SLC25A21: variants seen among roughly 807,000 people sequenced by gnomAD.
SLC25A21 encodes solute carrier family 25 member 21, also known as mitochondrial 2-oxodicarboxylate carrier.
In SLC25A21, 47 loss-of-function variants were observed where a neutral mutation model predicts 43.8. The observed-to-expected ratio is 1.07, with a 90% CI of 0.85 to 1.37. SLC25A21 has a LOEUF of 1.37. Among genes scored for constraint, SLC25A21 ranks in the 40% most tolerant of loss-of-function variants. SLC25A21 has a pLI of 0.00. For synonymous variants in SLC25A21, 131 were observed against 121.3 expected (o/e 1.08, Z -0.52); for missense variants, 352 against 350.2 (o/e 1.00, Z -0.04).
chr14:37,001,770 A>G (rs1317692940), intron 1 of SLC25A21, among the ~76,000 whole-genome samples: 1 of 152,140 alleles, frequency 6.6e-6, no homozygotes, highest in Non-Finnish European at 1.5e-5. Flanking sequence ...TAATTTCAAG[A>G]TATCTATTTG....
intron 1 of SLC25A21, among the ~76,000 whole-genome samples, chr14:37,048,693 C>T (rs916011795): frequency 6.6e-6 from 1 of 152,248 alleles, no homozygotes; most frequent in East Asian, 1.9e-4. Context: ...CATACCTAAA[C>T]TCTCTGAGTC....
chr14:37,000,606 T>C (rs1398620594), intron 1 of SLC25A21, among the ~76,000 whole-genome samples: 3 of 152,122 alleles, frequency 2.0e-5, no homozygotes, highest in Non-Finnish European at 4.4e-5. Context: ...TGCCATCCAA[T>C]CTGAGAGATC....
In SLC25A21 at chr14:36,938,884, G is replaced by C. The variant is rs533870994; in HGVS notation, c.71-63880C>G. Among the ~76,000 whole-genome samples, 11 of 152,132 alleles carry C rather than the reference G, an allele frequency of 7.2e-5. No individual in the cohort carries two copies. In the South Asian group the frequency reaches 2.3e-3, roughly 32 times the overall value. On this transcript the variant is annotated intron_variant, in intron 1 of 9. Coordinates refer to ENST00000331299, the MANE Select transcript of SLC25A21 (RefSeq NM_030631.4). ...ACTTCAGAAATCTATATTTCTTATT[G>C]CATCACTGAAATAAATCAGTCTCTA...
chr14:36,901,622 A>G (rs1483786586), intron 1 of SLC25A21, among the ~76,000 whole-genome samples: 8 of 152,234 alleles, frequency 5.3e-5, no homozygotes, highest in African/African-American at 1.7e-4. Context: ...ATTATTTTTT[A>G]TTTTGGTTTT....
At chr14:36,696,693 C>T (rs972047927) in intron 7 of SLC25A21, among the ~76,000 whole-genome samples, 45 of 152,226 alleles carry the variant, frequency 3.0e-4, no homozygotes, top group Non-Finnish European at 4.1e-4. Context: ...AGTTTATTTG[C>T]GTAGAGGTGT....
intron 2 of SLC25A21, among the ~76,000 whole-genome samples, chr14:36,856,788 G>A (rs1889911837): frequency 6.6e-6 from 1 of 152,186 alleles, no homozygotes; most frequent in South Asian, 2.1e-4. Context: ...GGGCATGAAG[G>A]AGACAGATCT....
chr14:36,895,870 T>C (rs1350597642), intron 1 of SLC25A21, among the ~76,000 whole-genome samples: 1 of 152,260 alleles, frequency 6.6e-6, no homozygotes, highest in Non-Finnish European at 1.5e-5. Context: ...TTCTTAATCC[T>C]GAGTTCTAGT....
intron 1 of SLC25A21, among the ~76,000 whole-genome samples, chr14:37,036,256 T>C (rs1961324222): frequency 6.6e-6 from 1 of 152,186 alleles, no homozygotes; most frequent in South Asian, 2.1e-4. Context: ...AAGGCTGTGC[T>C]ATAATCAAAA....
Position 37,162,485 on chromosome 14 carries a change from T to C in SLC25A21, c.70+9796A>G, listed in dbSNP as rs1443557461. On this transcript the variant is annotated intron_variant, in intron 1 of 9. Transcript: ENST00000331299. ...CCCATCAAAAAGTGGGCGAAGGACA[T>C]GAACAGACACTTCTCAAAAGAAGAC... Among the ~76,000 whole-genome samples, 3 of 152,246 alleles carry C rather than the reference T, an allele frequency of 2.0e-5. No homozygotes were observed. The East Asian group carries it at 5.8e-4, about 29-fold the overall frequency.
At chr14:36,896,299 CTTCT>C (rs1374117502) in intron 1 of SLC25A21, among the ~76,000 whole-genome samples, 9 of 152,062 alleles carry the variant, frequency 5.9e-5, no homozygotes, top group African/African-American at 1.4e-4. Flanking sequence ...ATGTAATGGC[CTTCT>C]TTGTCTCTTT....
At chr14:37,020,103 T>C (rs905451218) in intron 1 of SLC25A21, among the ~76,000 whole-genome samples, 1 of 151,946 alleles carries the variant, frequency 6.6e-6, no homozygotes, top group Non-Finnish European at 1.5e-5. Flanking sequence ...TTATAAATAA[T>C]GTAGTTTTAA....
chr14:36,741,515 C>A (rs1180714392), intron 3 of SLC25A21, among the ~76,000 whole-genome samples: 1 of 152,158 alleles, frequency 6.6e-6, no homozygotes, highest in Non-Finnish European at 1.5e-5. Context: ...GGGGCTTTCC[C>A]TGGTTGTCAG....
intron 1 of SLC25A21, among the ~76,000 whole-genome samples, chr14:37,068,414 T>C (rs1229834590): frequency 6.6e-6 from 1 of 152,132 alleles, no homozygotes; most frequent in Non-Finnish European, 1.5e-5. Context: ...ACTATAACAA[T>C]TCAAGGTATG....
At chr14:37,091,326 CG>C (rs553978719) in intron 1 of SLC25A21, among the ~76,000 whole-genome samples, 132 of 151,768 alleles carry the variant, frequency 8.7e-4, no homozygotes, top group Admixed American at 2.4e-3. Context: ...CCCAGCTACT[CG>C]GGAGGCTGAG....
chr14:36,879,671 A>C (rs932736769), intron 1 of SLC25A21, among the ~76,000 whole-genome samples: 4 of 152,062 alleles, frequency 2.6e-5, no homozygotes, highest in African/African-American at 7.2e-5. Context: ...ATTGGGAAAA[A>C]ATTAACACCA....
chr14:37,058,630 T>C (rs1413288901), intron 1 of SLC25A21, among the ~76,000 whole-genome samples: 5 of 152,206 alleles, frequency 3.3e-5, no homozygotes, highest in Non-Finnish European at 7.3e-5. Flanking sequence ...GAAAGAGCAT[T>C]ATTTAGTCTA....
intron 1 of SLC25A21, among the ~76,000 whole-genome samples, chr14:37,135,621 T>C (rs1342516861): frequency 6.6e-6 from 1 of 152,218 alleles, no homozygotes; most frequent in Non-Finnish European, 1.5e-5. Context: ...TTCCATTTCA[T>C]TGCATGTCTT....
chr14:36,766,015 G>GC (rs1385161908), intron 3 of SLC25A21, among the ~76,000 whole-genome samples: 3 of 143,966 alleles, frequency 2.1e-5, no homozygotes, highest in African/African-American at 7.7e-5. Flanking sequence ...CTTTTGAGTT[G>GC]CCAAGTCATT....
intron 1 of SLC25A21, among the ~76,000 whole-genome samples, chr14:36,919,626 T>C (rs764156372): frequency 3.5e-5 from 4 of 113,200 alleles, no homozygotes; most frequent in Non-Finnish European, 5.4e-5. Context: ...TATCTACCTA[T>C]CTATCTATCT....
Sources: gnomAD v4.1 joint callset for allele counts (sites outside exome capture counted in the v4.1 genomes callset) on GRCh38, gnomAD v4.1.1 for gene constraint, MANE v1.5 for transcripts, NCBI Gene and HGNC (gene_info 2026-07-23, HGNC 2026-07-21) for gene names.